TM4SF19: variants seen among roughly 807,000 people sequenced by gnomAD.
The protein encoded by TM4SF19 is transmembrane 4 L six family member 19.
Under a neutral mutation model 21.8 loss-of-function variants are expected in TM4SF19, and 17 were observed. The observed-to-expected ratio is 0.78, with a 90% confidence interval of 0.53 to 1.17. TM4SF19 has a LOEUF of 1.17. Ranked by LOEUF, TM4SF19 falls within the 50% of genes most tolerant of loss-of-function variation. The probability of loss-of-function intolerance (pLI) is 0.00; values close to 1 mark genes in which losing one functional copy is unlikely to be tolerated. For missense variants in TM4SF19, 216 were observed against 252.1 expected (o/e 0.86, Z 0.97); for synonymous variants, 107 against 106.7 (o/e 1.00, Z -0.02).
chr3:196,326,466 G>A (rs1041728245), intron 3 of TM4SF19, among the ~76,000 whole-genome samples: 1 of 152,032 alleles, frequency 6.6e-6, no homozygotes, highest in African/African-American at 2.4e-5. Flanking sequence ...AGTTGCTGCT[G>A]TAATTAATAA....
At chr3:196,337,601 G>GA (rs1451882962) in intron 1 of TM4SF19, among the ~76,000 whole-genome samples, 45 of 152,128 alleles carry the variant, frequency 3.0e-4, no homozygotes, top group African/African-American at 1.0e-3. Context: ...GCGGGTAAGG[G>GA]AAAAACGCCT....
intron 1 of TM4SF19, 44 bp from the exon 2 acceptor site, chr3:196,327,635 G>T: frequency 6.5e-7 from 1 of 1,528,422 alleles, no homozygotes; most frequent in Non-Finnish European, 9.0e-7. Context: ...TGCTGTGGGG[G>T]GATGGGGAAG....
At chr3:196,331,284 AATATATATATATAC>A (rs1560204224) in intron 1 of TM4SF19, among the ~76,000 whole-genome samples, 1 of 149,076 alleles carries the variant, frequency 6.7e-6, no homozygotes, top group African/African-American at 2.5e-5. Context: ...CTAAAAAAAA[AATATATATATATAC>A]ATATATATAT....
At chr3:196,334,066 A>C (rs1471407608) in intron 1 of TM4SF19, among the ~76,000 whole-genome samples, 2 of 152,224 alleles carry the variant, frequency 1.3e-5, no homozygotes, top group South Asian at 2.1e-4. Context: ...GTCTCAAAAA[A>C]AAAAAATTGC....
chr3:196,326,262 A>T (rs1461053024), intron 3 of TM4SF19, among the ~76,000 whole-genome samples: 1 of 152,176 alleles, frequency 6.6e-6, no homozygotes, highest in Non-Finnish European at 1.5e-5. Context: ...GGCGTGAGCC[A>T]CCGCGCCTGG....
chr3:196,330,295 G>T (rs1011064151), intron 1 of TM4SF19, among the ~76,000 whole-genome samples: 13 of 152,124 alleles, frequency 8.5e-5, no homozygotes, highest in African/African-American at 3.1e-4. Context: ...CAGACTTTCT[G>T]TTTGGGGTGA....
intron 1 of TM4SF19, among the ~76,000 whole-genome samples, chr3:196,330,547 C>A (rs938538152): frequency 6.6e-5 from 10 of 152,162 alleles, no homozygotes; most frequent in African/African-American, 2.2e-4. Context: ...GCGTAAATTT[C>A]TGCTACATAT....
chr3:196,324,760 C>G (rs1470614648), intron 3 of TM4SF19: 1 of 303,274 alleles, frequency 3.3e-6, no homozygotes, highest in Non-Finnish European at 6.2e-6. Flanking sequence ...CTTGGCATCA[C>G]AAACCTTTTG....
rs775228394 is a variant in TM4SF19, at chr3:196,324,420, T to G, written c.300A>C (p.Ser100=). Residue 100 remains serine, a synonymous_variant, in exon 4 of 5, where the codon TCA becomes TCC. Coordinates refer to ENST00000273695, the MANE Select transcript of TM4SF19 (RefSeq NM_138461.4). The stretch of plus-strand genomic sequence containing the variant: ...GGGCTCCAAGTAAAGCCAGGCCACC[T>G]GACAACAGAGCAGTAAGCACCTGCG... ...LCRSVLTALL[S]GGLALLGALI... 7 of 1,613,922 alleles carry G rather than the reference T, an allele frequency of 4.3e-6. No individual in the cohort carries two copies. Among genetic ancestry groups the G allele is most frequent in the South Asian group, 2.2e-5 (2 of 91,080 alleles).
At chr3:196,330,638 G>A (rs537708594) in intron 1 of TM4SF19, among the ~76,000 whole-genome samples, 2 of 152,144 alleles carry the variant, frequency 1.3e-5, no homozygotes, top group South Asian at 2.1e-4. Flanking sequence ...CTATATATAC[G>A]AAATTCTAGA....
chr3:196,330,490 G>A (rs922623886), intron 1 of TM4SF19, among the ~76,000 whole-genome samples: 3 of 152,118 alleles, frequency 2.0e-5, no homozygotes, highest in African/African-American at 7.2e-5. Context: ...GGTGAATCAA[G>A]ACAAATTGTG....
chr3:196,323,745 C>T lies in TM4SF19; in HGVS notation c.*72G>A. The T allele has an allele frequency of 6.2e-7, 1 of 1,612,818 alleles. No individual in the cohort carries two copies. Among genetic ancestry groups the T allele is most frequent in the Non-Finnish European group, 8.5e-7 (1 of 1,179,374 alleles). On this transcript the variant is annotated 3_prime_UTR_variant, in exon 5 of 5. Transcript: ENST00000273695. Reference sequence around the variant, plus strand: ...GGGAAGTTTGTTTATAATTCGTACCCACTCCTTGTAGAAAGGATTCAAGAC... The same window carrying T: ...GGGAAGTTTGTTTATAATTCGTACCTACTCCTTGTAGAAAGGATTCAAGAC...
Position 196,326,847 on chromosome 3 carries a change from G to A in TM4SF19, c.279+108C>T. ...TAGCGTTACTGAGGGTCACAGTGAG[G>A]ACCTGACTTCAGGCCCCAAGACCAA... is the stretch of plus-strand genomic sequence containing the variant. On this transcript the variant is annotated intron_variant, in intron 3 of 4. Coordinates refer to ENST00000273695, the MANE Select transcript of TM4SF19 (RefSeq NM_138461.4). 6 of 736,896 alleles carry A rather than the reference G, an allele frequency of 8.1e-6. 1 individual carries two copies. In the South Asian group the frequency reaches 8.5e-5, roughly 10 times the overall value. 45.6% of individuals were successfully genotyped at this position (736,896 alleles called of 1,614,324 possible).
chr3:196,331,231 G>A (rs187015829), intron 1 of TM4SF19, among the ~76,000 whole-genome samples: 20 of 151,472 alleles, frequency 1.3e-4, no homozygotes, highest in Admixed American at 7.2e-4. Context: ...AGCAGAGATC[G>A]TGCCATTGCA....
chr3:196,325,778 G>T lies in TM4SF19; in HGVS notation c.279+1177C>A, dbSNP rs1032130227. ...GCCGCATCACATCACCTGAGAACCT[G>T]TTAGAAATGCAAAACTTCCCCGCCA... On this transcript the variant is annotated intron_variant, in intron 3 of 4. Coordinates refer to ENST00000273695, the MANE Select transcript of TM4SF19 (RefSeq NM_138461.4). The surrounding 1 kb of genome is among the most constrained non-coding windows in gnomAD (Gnocchi z 4.3). Among the ~76,000 whole-genome samples the T allele has an allele frequency of 2.6e-5, 4 of 152,132 alleles. No homozygotes were observed. The highest frequency in any genetic ancestry group is 9.7e-5 in the African/African-American group (4 of 41,424).
At chr3:196,330,654 C>A (rs1287312034) in intron 1 of TM4SF19, among the ~76,000 whole-genome samples, 1 of 152,086 alleles carries the variant, frequency 6.6e-6, no homozygotes, top group Non-Finnish European at 1.5e-5. Context: ...CTAGAAAAGG[C>A]AAAACTTTTA....
intron 2 of TM4SF19, 70 bp downstream of exon 2, chr3:196,327,320 C>T: frequency 6.9e-7 from 1 of 1,459,206 alleles, no homozygotes; most frequent in South Asian, 1.2e-5. Context: ...AACACTCTTC[C>T]CATGCCACCT....
chr3:196,324,161 A>C, intron 4 of TM4SF19, 110 bp downstream of exon 4: 2 of 1,462,310 alleles, frequency 1.4e-6, no homozygotes. Flanking sequence ...TCAGAGGAGC[A>C]AGATGCTAGG....
rs1727781232 is a variant in TM4SF19, at chr3:196,336,882, G to A, written c.-2+1382C>T. 2.0e-5 allele frequency among the ~76,000 whole-genome samples: 3 copies of A among 151,970 alleles called. 1 individual carries two copies. In the South Asian group the frequency reaches 6.2e-4, roughly 32 times the overall value. ...TTCTCTACATCTGTGTCTCTCCCTCGCCACCCAGCAAGGCTTTTCTTTCAT... is the reference window on the plus strand; with the variant it reads ...TTCTCTACATCTGTGTCTCTCCCTCACCACCCAGCAAGGCTTTTCTTTCAT... On this transcript the variant is annotated intron_variant, in intron 1 of 4. Coordinates refer to ENST00000273695, the MANE Select transcript of TM4SF19 (RefSeq NM_138461.4).
Sources: gnomAD v4.1 joint callset for allele counts (sites outside exome capture counted in the v4.1 genomes callset) on GRCh38, gnomAD v4.1.1 for gene constraint, Gnocchi (gnomAD v3.1) non-coding constraint, MANE v1.5 for transcripts, NCBI Gene and HGNC (gene_info 2026-07-23, HGNC 2026-07-21) for gene names.